Variants in LIMD1 observed in about 807,000 individuals in gnomAD.
LIMD1 encodes LIM domain containing 1.
A neutral mutation model predicts 58.4 loss-of-function variants in LIMD1; 23 were observed. The observed-to-expected ratio is 0.39, with a 90% CI of 0.28 to 0.56. LIMD1 has a LOEUF of 0.56. Ranked by LOEUF, LIMD1 falls within the 20% of genes least tolerant of loss-of-function variation. The probability of loss-of-function intolerance (pLI) is 0.57; values close to 1 mark genes in which losing one functional copy is unlikely to be tolerated. For synonymous variants in LIMD1, 334 were observed against 345.5 expected (o/e 0.97, Z 0.37); for missense variants, 838 against 855.5 (o/e 0.98, Z 0.25).
Position 45,677,079 on chromosome 3 carries a change from T to G in LIMD1, c.*20T>G. Reference sequence around the variant, plus strand: ...TTCTAGCCAGAGCCACTTGCAGACATCACGGCAGGGGATGAGGAGCCGGGG... The same window carrying G: ...TTCTAGCCAGAGCCACTTGCAGACAGCACGGCAGGGGATGAGGAGCCGGGG... On this transcript the variant is annotated 3_prime_UTR_variant, in exon 8 of 8. Coordinates refer to ENST00000273317, the MANE Select transcript of LIMD1 (RefSeq NM_014240.3). 4 of 1,609,046 alleles carry G rather than the reference T, an allele frequency of 2.5e-6. No individual in the cohort carries two copies. Among genetic ancestry groups the G allele is most frequent in the Non-Finnish European group, 3.4e-6 (4 of 1,177,452 alleles).
At chr3:45,606,795 G>C (rs1701471892) in intron 1 of LIMD1, among the ~76,000 whole-genome samples, 1 of 152,134 alleles carries the variant, frequency 6.6e-6, no homozygotes, top group Non-Finnish European at 1.5e-5. Flanking sequence ...ATTTTGTTTT[G>C]TTTTGTCTTT....
chr3:45,677,060 C>T lies in LIMD1; in HGVS notation c.*1C>T, dbSNP rs762544427. The T allele has an allele frequency of 4.3e-6, 7 of 1,612,968 alleles. No homozygotes were observed. The African/African-American group carries it at 6.7e-5, about 15-fold the overall frequency. Reference sequence around the variant, plus strand: ...AGCCCTTCACCAGCACCACTTCTAGCCAGAGCCACTTGCAGACATCACGGC... The same window carrying T: ...AGCCCTTCACCAGCACCACTTCTAGTCAGAGCCACTTGCAGACATCACGGC... On this transcript the variant is annotated 3_prime_UTR_variant, in exon 8 of 8. Coordinates refer to ENST00000273317, the MANE Select transcript of LIMD1 (RefSeq NM_014240.3).
intron 2 of LIMD1, among the ~76,000 whole-genome samples, chr3:45,665,038 C>A (rs1697498089): frequency 6.6e-6 from 1 of 152,032 alleles, no homozygotes; most frequent in African/African-American, 2.4e-5. Flanking sequence ...CTGTGTTAGC[C>A]TTATGGAAGC....
intron 1 of LIMD1, 97 bp from the exon 2 acceptor site, chr3:45,636,053 G>A (rs1701784778): frequency 1.3e-6 from 2 of 1,572,140 alleles, no homozygotes; most frequent in African/African-American, 1.4e-5. Context: ...GGCTGGCCAT[G>A]GGGAGGGATG....
At chr3:45,657,413 C>T (rs750512677) in intron 2 of LIMD1, among the ~76,000 whole-genome samples, 10 of 151,540 alleles carry the variant, frequency 6.6e-5, no homozygotes, top group African/African-American at 9.7e-5. Context: ...GTAATCTCAA[C>T]GCTTTGGGAG....
chr3:45,673,884 TCCAAAAA>T, intron 6 of LIMD1: 1 of 240,990 alleles, frequency 4.1e-6, no homozygotes, highest in Non-Finnish European at 8.0e-6. Flanking sequence ...AGACCTTGTC[TCCAAAAA>T]AAAAAAACCA....
At chr3:45,636,411 C>A (rs535056635) in intron 2 of LIMD1, among the ~76,000 whole-genome samples, 160 bp downstream of exon 2, 1 of 152,292 alleles carries the variant, frequency 6.6e-6, no homozygotes, top group African/African-American at 2.4e-5. Flanking sequence ...GGGTTTCTTA[C>A]CACCAACAGA....
At chr3:45,675,029 A>C (rs1407431050) in intron 7 of LIMD1, among the ~76,000 whole-genome samples, 1 of 152,170 alleles carries the variant, frequency 6.6e-6, no homozygotes, top group Non-Finnish European at 1.5e-5. Flanking sequence ...GAATTCACCC[A>C]TGGAAGGAGA....
chr3:45,639,380 G>A (rs980336874), intron 2 of LIMD1, among the ~76,000 whole-genome samples: 4 of 152,194 alleles, frequency 2.6e-5, no homozygotes, highest in Admixed American at 6.5e-5. Flanking sequence ...ATTGATGAGC[G>A]TCTTAGTCTG....
At chr3:45,617,143 C>T (rs1047589921) in intron 1 of LIMD1, among the ~76,000 whole-genome samples, 1 of 151,420 alleles carries the variant, frequency 6.6e-6, no homozygotes, top group Non-Finnish European at 1.5e-5. Context: ...AAGCAGTTCT[C>T]CTGCCTCGGC....
chr3:45,657,405 A>C (rs1449726352), intron 2 of LIMD1, among the ~76,000 whole-genome samples: 2 of 152,058 alleles, frequency 1.3e-5, no homozygotes, highest in Non-Finnish European at 2.9e-5. Flanking sequence ...TCACACCTGT[A>C]ATCTCAACGC....
chr3:45,632,841 T>C (rs1296361320), intron 1 of LIMD1, among the ~76,000 whole-genome samples: 3 of 152,172 alleles, frequency 2.0e-5, no homozygotes, highest in Admixed American at 2.0e-4. Context: ...GTGGTCACTG[T>C]GCATGGGCCC....
intron 2 of LIMD1, among the ~76,000 whole-genome samples, chr3:45,641,183 G>A (rs1027572269): frequency 1.3e-5 from 2 of 151,890 alleles, no homozygotes; most frequent in Non-Finnish European, 2.9e-5. Context: ...GAAAATGGGG[G>A]CAGACAGGGG....
At chr3:45,658,780 C>G (rs1312563148) in intron 2 of LIMD1, among the ~76,000 whole-genome samples, 2 of 151,714 alleles carry the variant, frequency 1.3e-5, no homozygotes, top group Non-Finnish European at 2.9e-5. Flanking sequence ...GTCTTGAACT[C>G]CCGACTTCAG....
In LIMD1 at chr3:45,595,137, A is replaced by G; in HGVS notation, c.258A>G (p.Pro86=). Residue 86 remains proline (P), a synonymous_variant, in exon 1 of 8, where the codon CCA becomes CCG. Transcript: ENST00000273317. ...TCAATGGAGGGGGCCGCCTGGGCCC[A>G]CAGGCCCGTTGGGAAGTTGTGGGCA... The part of the protein sequence containing the change: ...GPVNGGGRLG[P]QARWEVVGSK... The G allele has an allele frequency of 6.2e-7, 1 of 1,606,534 alleles. No homozygotes were observed. The highest frequency in any genetic ancestry group is 8.5e-7 in the Non-Finnish European group (1 of 1,175,974).
At chr3:45,636,111 T>C in intron 1 of LIMD1, 39 bp from the exon 2 acceptor site, 1 of 1,609,308 alleles carries the variant, frequency 6.2e-7, no homozygotes, top group Non-Finnish European at 8.5e-7. Flanking sequence ...TTTACACTGG[T>C]TCCCTCCTGA....
At position 45,677,234 on chromosome 3, in the gene LIMD1, C is replaced by T; in HGVS notation, c.*175C>T. 1 of 609,742 alleles carries T rather than the reference C, an allele frequency of 1.6e-6. No homozygotes were observed. The highest frequency in any genetic ancestry group is 2.8e-6 in the Non-Finnish European group (1 of 352,296). 37.8% of individuals were successfully genotyped at this position (609,742 alleles called of 1,614,324 possible). On this transcript the variant is annotated 3_prime_UTR_variant, in exon 8 of 8. Transcript: ENST00000273317. ...AACCAGGGAGGTGAACACTACCTGCCTCCTGCGTGTATTTTCCAAGTGCTT... is the reference window on the plus strand; with the variant it reads ...AACCAGGGAGGTGAACACTACCTGCTTCCTGCGTGTATTTTCCAAGTGCTT...
chr3:45,654,835 GA>G (rs1306936874), intron 2 of LIMD1, among the ~76,000 whole-genome samples: 11 of 126,914 alleles, frequency 8.7e-5, no homozygotes, highest in African/African-American at 3.1e-4. Flanking sequence ...AAAAAAAAAA[GA>G]AAAAAGAAAA....
Position 45,605,523 on chromosome 3 carries a change from A to G in LIMD1, c.1408+9236A>G, listed in dbSNP as rs181125191. Among the ~76,000 whole-genome samples, 404 of 151,864 alleles carry G rather than the reference A, an allele frequency of 2.7e-3. 6 individuals carry two copies. The highest frequency in any genetic ancestry group is 0.012 in the Admixed American group (180 of 15,254). On this transcript the variant is annotated intron_variant, in intron 1 of 7. Coordinates refer to ENST00000273317, the MANE Select transcript of LIMD1 (RefSeq NM_014240.3). ...CCAGTACAAAGTAGTGGCTGAGCCC[A>G]CTGGTGATACAGAATGTATCAGGCA...
Sources: gnomAD v4.1 joint callset for allele counts (sites outside exome capture counted in the v4.1 genomes callset) on GRCh38, gnomAD v4.1.1 for gene constraint, MANE v1.5 for transcripts, NCBI Gene and HGNC (gene_info 2026-07-23, HGNC 2026-07-21) for gene names.